SORL1: variants seen among roughly 807,000 people sequenced by gnomAD.
The protein encoded by SORL1 is sortilin related receptor 1.
In SORL1, 127 loss-of-function variants were observed where a neutral mutation model predicts 273.7. The ratio of observed to expected loss-of-function variants is 0.46; its 90% CI spans 0.40 to 0.54. The LOEUF is 0.54. SORL1 is among the 20% of genes least tolerant of loss of function. The pLI is 0.00. For synonymous variants in SORL1, 1,031 were observed against 1,067.4 expected (o/e 0.97, Z 0.66); for missense variants, 2,494 against 2,846.1 (o/e 0.88, Z 2.81).
At chr11:121,570,619 A>G (rs1402730951) in intron 23 of SORL1, among the ~76,000 whole-genome samples, 3 of 152,226 alleles carry the variant, frequency 2.0e-5, no homozygotes, top group Admixed American at 6.5e-5. Flanking sequence ...TGGGGCGAGT[A>G]AACAGGTGAT....
chr11:121,620,619 C>G (rs1367442257), intron 43 of SORL1, among the ~76,000 whole-genome samples: 1 of 152,256 alleles, frequency 6.6e-6, no homozygotes, highest in Middle Eastern at 3.4e-3. Flanking sequence ...TCCCCTTGCC[C>G]CCCTATACCC....
rs1270672625 is a variant in SORL1 at position 121,630,480 on chromosome 11, A to T, written c.*917A>T. 6.6e-6 allele frequency: 1 copy of T among 152,128 alleles called. No individual in the cohort carries two copies. Among genetic ancestry groups the T allele is most frequent in the Non-Finnish European group, 1.5e-5 (1 of 68,034 alleles). The allele number at this position is 152,128 out of a possible 1,614,324, so 9.4% of individuals were successfully genotyped here. ...CATACACTGGCTAATAGAGTACATA[A>T]TTTTTCCATTTTCCATTTTTTGTTT... is the stretch of plus-strand genomic sequence containing the variant. On this transcript the variant is annotated 3_prime_UTR_variant, in exon 48 of 48. Coordinates refer to ENST00000260197, the MANE Select transcript of SORL1 (RefSeq NM_003105.6).
At chr11:121,553,816 G>T in intron 16 of SORL1, 121 bp from the exon 17 acceptor site, 1 of 899,672 alleles carries the variant, frequency 1.1e-6, no homozygotes, top group Non-Finnish European at 1.7e-6. Context: ...CTCTTCACTT[G>T]GTCCACACCA....
intron 27 of SORL1, among the ~76,000 whole-genome samples, chr11:121,587,161 T>G (rs1863128867): frequency 6.6e-6 from 1 of 152,168 alleles, no homozygotes; most frequent in Non-Finnish European, 1.5e-5. Flanking sequence ...TTTCTAGTTG[T>G]GTTAGTTGGG....
chr11:121,492,391 CAATGAATG>C (rs965976790), intron 5 of SORL1, among the ~76,000 whole-genome samples: 3 of 152,082 alleles, frequency 2.0e-5, no homozygotes, highest in South Asian at 4.2e-4. Context: ...ATAACTGTCT[CAATGAATG>C]AATGAATGAA....
intron 6 of SORL1, among the ~76,000 whole-genome samples, chr11:121,509,636 C>T (rs1861844769): frequency 6.6e-6 from 1 of 152,078 alleles, no homozygotes; most frequent in Non-Finnish European, 1.5e-5. Context: ...TCTACCATGC[C>T]TAGCTAATTT....
At chr11:121,517,413 G>A (rs1861971680) in intron 8 of SORL1, among the ~76,000 whole-genome samples, 1 of 152,102 alleles carries the variant, frequency 6.6e-6, no homozygotes. Flanking sequence ...CCATATATCA[G>A]TGCCTCATTC....
chr11:121,491,311 C>A (rs1448048046), intron 5 of SORL1, among the ~76,000 whole-genome samples: 3 of 152,134 alleles, frequency 2.0e-5, no homozygotes, highest in African/African-American at 7.2e-5. Context: ...TCAAGAAGTA[C>A]TTCTAGAAGT....
At position 121,563,161 on chromosome 11, in the gene SORL1, T is replaced by C. The variant is rs989502294; in HGVS notation, c.3049+3504T>C. 2.6e-5 allele frequency among the ~76,000 whole-genome samples: 4 copies of C among 152,022 alleles called. No homozygotes were observed. Among genetic ancestry groups the C allele is most frequent in the Non-Finnish European group, 5.9e-5 (4 of 67,968 alleles). On this transcript the variant is annotated intron_variant, in intron 21 of 47. Coordinates refer to ENST00000260197, the MANE Select transcript of SORL1 (RefSeq NM_003105.6). This position sits in a 1 kb window ranked among gnomAD's most constrained non-coding sequence, Gnocchi z 4.2. Reference sequence around the variant, plus strand: ...TGTAGGTCACACTTTTAGTAAGTGGTAAGAATTTGCACTGTGGCCCGTTGA... The same window carrying C: ...TGTAGGTCACACTTTTAGTAAGTGGCAAGAATTTGCACTGTGGCCCGTTGA...
At chr11:121,476,135 G>C (rs1010488828) in intron 2 of SORL1, among the ~76,000 whole-genome samples, 8 of 152,184 alleles carry the variant, frequency 5.3e-5, no homozygotes, top group Non-Finnish European at 1.2e-4. Context: ...GAGCTGGAAG[G>C]GACTTTAGTT....
intron 3 of SORL1, among the ~76,000 whole-genome samples, chr11:121,482,674 T>A (rs1285674271): frequency 6.6e-6 from 1 of 152,252 alleles, no homozygotes; most frequent in African/African-American, 2.4e-5. Context: ...GATGCCTTGC[T>A]GTCAACAGCA....
chr11:121,514,312 C>A lies in SORL1; in HGVS notation c.1202C>A (p.Thr401Asn), dbSNP rs2134846736. 6.2e-7 allele frequency: 1 copy of A among 1,613,488 alleles called. No individual in the cohort carries two copies. The highest frequency in any genetic ancestry group is 8.5e-7 in the Non-Finnish European group (1 of 1,179,786). The change falls in exon 8 of 48, where the codon ACC (threonine) becomes AAC (asparagine). Residue 401 changes from threonine (T) to asparagine (N), a missense_variant. This residue lies in a region of SORL1 where 710 missense variants were observed against 882.5 expected (regional missense o/e 0.80). Coordinates refer to ENST00000260197, the MANE Select transcript of SORL1 (RefSeq NM_003105.6). ...AGCCCAGGAGGGGCCGGCAGTGACACCTTGGTGAGGTAAGGAGACTGTGAG... is the reference window on the plus strand; with the variant it reads ...AGCCCAGGAGGGGCCGGCAGTGACAACTTGGTGAGGTAAGGAGACTGTGAG... ...YYSPGGAGSD[T>N]LVRYFANEPF...
chr11:121,625,148 G>A lies in SORL1; in HGVS notation c.6235G>A (p.Asp2079Asn). 6 of 1,613,632 alleles carry A rather than the reference G, an allele frequency of 3.7e-6. No individual in the cohort carries two copies. The highest frequency in any genetic ancestry group is 5.1e-6 in the Non-Finnish European group (6 of 1,179,618). Residue 2079 changes from aspartate to asparagine, a missense_variant, in exon 46 of 48, where the codon GAC becomes AAC. Transcript: ENST00000260197. ...CACAGCTTACCTTGGGAATACTACT[G>A]ACAATTTCTTTAAAATTTCCAACCT... is the stretch of plus-strand genomic sequence containing the variant. ...NITAYLGNTT[D>N]NFFKISNLKM...
At chr11:121,566,367 T>TAA (rs201001838) in intron 21 of SORL1, among the ~76,000 whole-genome samples, 75 of 151,166 alleles carry the variant, frequency 5.0e-4, no homozygotes, top group African/African-American at 1.6e-3. Flanking sequence ...TTTTTTAAAT[T>TAA]AAAAAAAAAA....
At chr11:121,535,176 T>C (rs1044596180) in intron 12 of SORL1, among the ~76,000 whole-genome samples, 2 of 152,174 alleles carry the variant, frequency 1.3e-5, no homozygotes, top group African/African-American at 4.8e-5. Context: ...ACTGCCACTG[T>C]GCTCCATGTC....
At position 121,604,253 on chromosome 11, in the gene SORL1, G is replaced by A. The variant is rs747253321; in HGVS notation, c.4580G>A (p.Cys1527Tyr). The A allele has an allele frequency of 2.5e-6, 4 of 1,614,144 alleles. No homozygotes were observed. In the Admixed American group the frequency reaches 6.7e-5, roughly 27 times the overall value. ...TTCCAGTGCGAGGACGGGGAGGCCT[G>A]CATTGTGCTCTCGGAGCGCTGCGAC... is the stretch of plus-strand genomic sequence containing the variant. ...REFQCEDGEA[C>Y]IVLSERCDGF... Residue 1527 changes from cysteine (C) to tyrosine (Y), a missense_variant, in exon 33 of 48, where the codon TGC (cysteine) becomes TAC (tyrosine). Physicochemically the swap from Cys to Tyr is radical, Grantham distance 194 (BLOSUM62 -2). Around this residue, in one of 3 missense-constraint regions of SORL1, gnomAD observed 1,609 missense variants for 1,816.4 expected, o/e 0.89. Transcript: ENST00000260197.
intron 46 of SORL1, 38 bp downstream of exon 46, chr11:121,625,315 TAG>T: frequency 6.7e-7 from 1 of 1,499,602 alleles, no homozygotes; most frequent in South Asian, 1.2e-5. Flanking sequence ...TCTTCAGTTC[TAG>T]GGAAATAGCA....
chr11:121,604,051 G>T, intron 32 of SORL1, 142 bp from the exon 33 acceptor site: 2 of 1,009,786 alleles, frequency 2.0e-6, no homozygotes, highest in South Asian at 3.1e-5. Context: ...TGCCGGTATA[G>T]ATTCCACCAC....
intron 1 of SORL1, among the ~76,000 whole-genome samples, chr11:121,454,570 A>G (rs1379093090): frequency 3.3e-5 from 5 of 152,094 alleles, no homozygotes; most frequent in African/African-American, 9.7e-5. Context: ...AGGAATTCCT[A>G]ACCGGAGGGT....
Sources: gnomAD v4.1 joint callset for allele counts (sites outside exome capture counted in the v4.1 genomes callset) on GRCh38, gnomAD v4.1.1 for gene constraint, gnomAD v4.1.1 regional missense constraint, Gnocchi (gnomAD v3.1) non-coding constraint, MANE v1.5 for transcripts, NCBI Gene and HGNC (gene_info 2026-07-23, HGNC 2026-07-21) for gene names.